Variants in SPAG6 observed in about 807,000 individuals in gnomAD.
The protein encoded by SPAG6 is sperm associated antigen 6, also known as sperm-associated antigen 6.
In SPAG6, 49 loss-of-function variants were observed where a neutral mutation model predicts 58.5. That is an observed-to-expected ratio of 0.84 (90% CI 0.67 to 1.06). The LOEUF is 1.06. Ranked by LOEUF, SPAG6 falls within the 50% of genes least tolerant of loss-of-function variation. The pLI, the probability that SPAG6 is intolerant of heterozygous loss-of-function variation, is 0.00. For missense variants in SPAG6, 560 were observed against 611.3 expected, an observed-to-expected ratio of 0.92 and a Z score of 0.89; for synonymous variants, 233 against 225.6, an observed-to-expected ratio of 1.03 and a Z score of -0.29.
chr10:22,349,246 A>G (rs1836652027), intron 2 of SPAG6, among the ~76,000 whole-genome samples: 1 of 151,578 alleles, frequency 6.6e-6, no homozygotes, highest in Non-Finnish European at 1.5e-5. Flanking sequence ...CTGAGGTTTT[A>G]TTCCTCTAAA....
At chr10:22,408,465 G>A (rs2130637173) in intron 9 of SPAG6, among the ~76,000 whole-genome samples, 1 of 146,982 alleles carries the variant, frequency 6.8e-6, no homozygotes, top group Non-Finnish European at 1.5e-5. Context: ...AGGGGTCAGG[G>A]ACCCACTTGA....
rs1322877889 is a variant in SPAG6, at chr10:22,345,537, C to G, written c.-75C>G. The G allele has an allele frequency of 3.9e-6, 5 of 1,294,014 alleles. No homozygotes were observed. 80.2% of individuals were successfully genotyped at this position (1,294,014 alleles called of 1,614,324 possible). A position where few individuals can be genotyped will look rare whatever the true frequency, so the allele number is the denominator to read the frequency against. On this transcript the variant is annotated 5_prime_UTR_variant, in exon 1 of 11. In the 5' UTR this introduces an upstream ATG that the reference lacks. Coordinates refer to ENST00000376624, the MANE Select transcript of SPAG6 (RefSeq NM_012443.4). This position sits in a 1 kb window ranked among gnomAD's most constrained non-coding sequence, Gnocchi z 6.3. ...TCGGAGGCCGAGTCGTCGCCACGAT[C>G]GCCCCCTTGGTGGACTCGCAGGCCG...
In SPAG6 at chr10:22,416,795, G is replaced by T. The variant is rs1015334762; in HGVS notation, c.*107G>T. The T allele has an allele frequency of 4.8e-6, 3 of 621,706 alleles. No homozygotes were observed. The highest frequency in any genetic ancestry group is 3.7e-5 in the African/African-American group (2 of 53,840). The allele number at this position is 621,706 out of a possible 1,614,324, so 38.5% of individuals were successfully genotyped here. The stretch of plus-strand genomic sequence containing the variant: ...AAGTATATTCTAGATTTATTTAATG[G>T]GAAATACCTTTAGATAATATTTTCT... On this transcript the variant is annotated 3_prime_UTR_variant, in exon 11 of 11. Coordinates refer to ENST00000376624, the MANE Select transcript of SPAG6 (RefSeq NM_012443.4).
intron 4 of SPAG6, among the ~76,000 whole-genome samples, chr10:22,376,893 T>A (rs1017542389): frequency 6.6e-6 from 1 of 151,798 alleles, no homozygotes; most frequent in Non-Finnish European, 1.5e-5. Flanking sequence ...AAGACTAGCC[T>A]GGGCAACATA....
At chr10:22,416,416 C>T (rs1385921730) in intron 10 of SPAG6, among the ~76,000 whole-genome samples, 3 of 152,176 alleles carry the variant, frequency 2.0e-5, no homozygotes, top group Non-Finnish European at 4.4e-5. Flanking sequence ...TTTGCTACTT[C>T]TGTAGCACAG....
intron 4 of SPAG6, among the ~76,000 whole-genome samples, chr10:22,378,649 T>A (rs1010165458): frequency 6.6e-6 from 1 of 152,190 alleles, no homozygotes; most frequent in Non-Finnish European, 1.5e-5. Flanking sequence ...TGGTCTCAGC[T>A]GTTAAAGGTC....
rs985033231 is a variant in SPAG6, at chr10:22,368,355, G to T, written c.289-140G>T. The T allele has an allele frequency of 2.0e-5, 12 of 601,516 alleles. No homozygotes were observed. In the African/African-American group the frequency reaches 2.2e-4, roughly 11 times the overall value. 37.3% of individuals were successfully genotyped at this position (601,516 alleles called of 1,614,324 possible). A position where few individuals can be genotyped will look rare whatever the true frequency, so the allele number is the denominator to read the frequency against. ...TCAAATAATCAAAATTATTTTGCAGGATGTTTTTCATCTTTTATATTCAAA... is the reference window on the plus strand; with the variant it reads ...TCAAATAATCAAAATTATTTTGCAGTATGTTTTTCATCTTTTATATTCAAA... On this transcript the variant is annotated intron_variant, in intron 3 of 10. Coordinates refer to ENST00000376624, the MANE Select transcript of SPAG6 (RefSeq NM_012443.4).
chr10:22,416,438 C>T (rs865966920), intron 10 of SPAG6, among the ~76,000 whole-genome samples, 181 bp from the exon 11 acceptor site: 1 of 152,084 alleles, frequency 6.6e-6, no homozygotes, highest in Non-Finnish European at 1.5e-5. Context: ...TTTATGAATT[C>T]GTATTTTCCT....
intron 4 of SPAG6, among the ~76,000 whole-genome samples, chr10:22,379,429 A>C (rs913734807): frequency 6.6e-6 from 1 of 152,256 alleles, no homozygotes; most frequent in African/African-American, 2.4e-5. Context: ...AATGTCTTTT[A>C]TAATCTTGAG....
At chr10:22,358,034 G>T (rs941003186) in intron 2 of SPAG6, among the ~76,000 whole-genome samples, 2 of 151,880 alleles carry the variant, frequency 1.3e-5, no homozygotes, top group African/African-American at 2.4e-5. Flanking sequence ...GAATAGTGTC[G>T]CAATAAACAT....
chr10:22,404,212 T>C (rs1312692899), intron 9 of SPAG6, among the ~76,000 whole-genome samples: 7 of 105,782 alleles, frequency 6.6e-5, no homozygotes, highest in Admixed American at 3.1e-4. Context: ...TCCTTGCCCA[T>C]GCCTATGTCC....
chr10:22,411,129 A>G lies in SPAG6; in HGVS notation c.1413A>G (p.Gln471=), dbSNP rs759801197. The change falls in exon 10 of 11, where the codon CAA becomes CAG. Residue 471 remains glutamine, a synonymous_variant. Coordinates refer to ENST00000376624, the MANE Select transcript of SPAG6 (RefSeq NM_012443.4). ...AAGCAGAACCTGGTTCTCTCCTTCA[A>G]GAATACATCAACAGTATTAACAGTT... is the stretch of plus-strand genomic sequence containing the variant. ...EIKAEPGSLL[Q]EYINSINSCY... is the part of the protein sequence containing the mutation. The G allele has an allele frequency of 5.0e-6, 8 of 1,613,930 alleles. No individual in the cohort carries two copies. The highest frequency in any genetic ancestry group is 1.7e-5 in the Admixed American group (1 of 59,990).
In SPAG6 at chr10:22,409,451, T is replaced by C. The variant is rs185044960; in HGVS notation, c.1315-1580T>C. 1.9e-3 allele frequency among the ~76,000 whole-genome samples: 293 copies of C among 152,286 alleles called. 2 individuals carry two copies. The highest frequency in any genetic ancestry group is 6.8e-3 in the African/African-American group (282 of 41,554). ...CATGTACCCAGCTCTCTGTTGAGCA[T>C]TGGGGAACAGACAAAAAAGATTAAG... On this transcript the variant is annotated intron_variant, in intron 9 of 10. Coordinates refer to ENST00000376624, the MANE Select transcript of SPAG6 (RefSeq NM_012443.4).
chr10:22,368,817 A>AT (rs1837268413), intron 4 of SPAG6, 139 bp downstream of exon 4: 1 of 579,474 alleles, frequency 1.7e-6, no homozygotes, highest in African/African-American at 1.9e-5. Flanking sequence ...TACGTTTTGA[A>AT]TGATGGCCAA....
chr10:22,405,274 T>A (rs1245420308), intron 9 of SPAG6, among the ~76,000 whole-genome samples: 1 of 151,928 alleles, frequency 6.6e-6, no homozygotes, highest in Non-Finnish European at 1.5e-5. Flanking sequence ...GCTGTGGGTT[T>A]GTCATAGATA....
chr10:22,382,702 C>A (rs1833983040), intron 4 of SPAG6, among the ~76,000 whole-genome samples: 1 of 152,030 alleles, frequency 6.6e-6, no homozygotes, highest in Non-Finnish European at 1.5e-5. Flanking sequence ...ATTCCACCAT[C>A]TTTTAAAATA....
At chr10:22,385,603 G>T (rs1450867940) in intron 4 of SPAG6, among the ~76,000 whole-genome samples, 2 of 152,086 alleles carry the variant, frequency 1.3e-5, no homozygotes, top group Middle Eastern at 3.2e-3. Context: ...TGAATGAACT[G>T]TTTATACAAT....
At chr10:22,353,059 A>C (rs534173630) in intron 2 of SPAG6, among the ~76,000 whole-genome samples, 1 of 152,206 alleles carries the variant, frequency 6.6e-6, no homozygotes, top group Non-Finnish European at 1.5e-5. Context: ...CTTTGTATAC[A>C]TATATTAATA....
chr10:22,374,798 G>C (rs796400703), intron 4 of SPAG6, among the ~76,000 whole-genome samples: 11 of 151,780 alleles, frequency 7.2e-5, no homozygotes, highest in African/African-American at 2.7e-4. Flanking sequence ...GATGAATTTT[G>C]AGTTACCTTT....
Sources: gnomAD v4.1 joint callset for allele counts (sites outside exome capture counted in the v4.1 genomes callset) on GRCh38, gnomAD v4.1.1 for gene constraint, Gnocchi (gnomAD v3.1) non-coding constraint, MANE v1.5 for transcripts, NCBI Gene and HGNC (gene_info 2026-07-23, HGNC 2026-07-21) for gene names.